Variants in TBC1D19 observed in about 807,000 individuals in gnomAD.
The protein encoded by TBC1D19 is TBC1 domain family member 19, also known as TBC1 domain family, member 19.
TBC1D19 carries 60 observed loss-of-function variants against 89.0 expected under a neutral mutation model. The ratio of observed to expected loss-of-function variants is 0.67; its 90% CI spans 0.55 to 0.84. TBC1D19 has a LOEUF of 0.84. Among genes scored for constraint, TBC1D19 ranks in the 40% least tolerant of loss-of-function variants. The pLI, the probability that TBC1D19 is intolerant of heterozygous loss-of-function variation, is 0.00. For synonymous variants in TBC1D19, 189 were observed against 199.7 expected, an observed-to-expected ratio of 0.95 and a Z score of 0.45; for missense variants, 500 against 610.8, an observed-to-expected ratio of 0.82 and a Z score of 1.91.
At chr4:26,801,668 T>G in the TBC1D19 span, among the ~76,000 whole-genome samples, 1 of 152,164 alleles carries the variant, frequency 6.6e-6, no homozygotes, top group African/African-American at 2.4e-5. Flanking sequence ...TTTGTTTGTA[T>G]CCTCTTTTAT....
chr4:26,774,079 C>G, the TBC1D19 span, among the ~76,000 whole-genome samples: 1 of 152,196 alleles, frequency 6.6e-6, no homozygotes, highest in African/African-American at 2.4e-5. Flanking sequence ...CTCTCACCTC[C>G]TGGTCCCCAG....
chr4:26,646,769 TG>T (rs1403413731), intron 7 of TBC1D19, among the ~76,000 whole-genome samples: 1 of 151,594 alleles, frequency 6.6e-6, no homozygotes, highest in Non-Finnish European at 1.5e-5. Flanking sequence ...GGACACAGGG[TG>T]GGAAACATCA....
the TBC1D19 span, among the ~76,000 whole-genome samples, chr4:26,812,004 T>A: frequency 6.6e-6 from 1 of 152,210 alleles, no homozygotes; most frequent in African/African-American, 2.4e-5. This position sits in a 1 kb window ranked among gnomAD's most constrained non-coding sequence, Gnocchi z 4.2. Context: ...GGTCTCAGCC[T>A]TATTTTACCC....
At chr4:26,799,837 C>G in the TBC1D19 span, among the ~76,000 whole-genome samples, 19 of 152,040 alleles carry the variant, frequency 1.2e-4, no homozygotes, top group Non-Finnish European at 2.2e-4. Context: ...GGAGCCCAAC[C>G]GGAATAAGAT....
chr4:26,700,691 A>AT (rs1715244788), intron 13 of TBC1D19, among the ~76,000 whole-genome samples: 3 of 152,298 alleles, frequency 2.0e-5, no homozygotes, highest in Non-Finnish European at 4.4e-5. Flanking sequence ...TATCTGTTGA[A>AT]AGTTTCATAA....
At chr4:26,740,212 C>T (rs1260467274) in intron 17 of TBC1D19, among the ~76,000 whole-genome samples, 1 of 151,836 alleles carries the variant, frequency 6.6e-6, no homozygotes, top group Non-Finnish European at 1.5e-5. Context: ...TTTTCTTTTA[C>T]ATATTAAAAA....
intron 4 of TBC1D19, among the ~76,000 whole-genome samples, chr4:26,625,156 A>G (rs1324366176): frequency 2.0e-5 from 3 of 151,938 alleles, no homozygotes; most frequent in South Asian, 4.1e-4. Context: ...AGCTTCCTGC[A>G]GTTTCTGGCA....
chr4:26,683,848 C>A (rs1471590609), intron 12 of TBC1D19, 99 bp downstream of exon 12: 2 of 952,382 alleles, frequency 2.1e-6, no homozygotes, highest in African/African-American at 1.7e-5. Flanking sequence ...TATATATTAA[C>A]CTTGAAAAAT....
At chr4:26,590,737 G>A (rs1014997265) in intron 1 of TBC1D19, among the ~76,000 whole-genome samples, 1 of 134,520 alleles carries the variant, frequency 7.4e-6, no homozygotes, top group Non-Finnish European at 1.5e-5. Flanking sequence ...ATATTGATAC[G>A]TTATTATTAA....
At chr4:26,710,155 A>G (rs557838442) in intron 13 of TBC1D19, among the ~76,000 whole-genome samples, 22 of 152,146 alleles carry the variant, frequency 1.4e-4, no homozygotes, top group Admixed American at 5.9e-4. Flanking sequence ...AGCATTAGGT[A>G]TATCTCCTAA....
At chr4:26,765,783 A>G in the TBC1D19 span, among the ~76,000 whole-genome samples, 25 of 151,832 alleles carry the variant, frequency 1.6e-4, no homozygotes, top group Admixed American at 1.5e-3. Context: ...TGACTCACCT[A>G]TTTTTTCTAA....
intron 10 of TBC1D19, among the ~76,000 whole-genome samples, chr4:26,673,022 T>G (rs936326597): frequency 1.3e-5 from 2 of 151,940 alleles, no homozygotes; most frequent in Non-Finnish European, 2.9e-5. Flanking sequence ...TATGTCTTTT[T>G]TTGGTTTTGC....
At chr4:26,596,617 G>GC (rs1553895276) in intron 1 of TBC1D19, among the ~76,000 whole-genome samples, 1 of 136,520 alleles carries the variant, frequency 7.3e-6, no homozygotes, top group East Asian at 2.1e-4. Context: ...CTTTCCTCCT[G>GC]TTTTTTTTTT....
At chr4:26,749,532 C>T (rs1448107163) in intron 19 of TBC1D19, among the ~76,000 whole-genome samples, 1 of 151,302 alleles carries the variant, frequency 6.6e-6, no homozygotes, top group African/African-American at 2.4e-5. Context: ...CTACAACCTC[C>T]ACCTCCTGGG....
At chr4:26,851,311 A>ATCTATCTATCTATCTATCTATCTG in the TBC1D19 span, among the ~76,000 whole-genome samples, 1 of 114,900 alleles carries the variant, frequency 8.7e-6, no homozygotes, top group East Asian at 2.6e-4. Context: ...TACCCTATCT[A>ATCTATCTATCTATCTATCTATCTG]TCTATCTATC....
Position 26,595,958 on chromosome 4 carries a change from T to TA in TBC1D19, c.99+11674dup, listed in dbSNP as rs112990660. Among the ~76,000 whole-genome samples the TA allele has an allele frequency of 3.3e-5, 5 of 152,164 alleles. No individual in the cohort carries two copies. In the East Asian group the frequency reaches 9.7e-4, roughly 29 times the overall value. ...TAATACAGATTTATTTATTTTTAAT[T>TA]AAAAAAAATTTTTTTTGAGAGAGAG... On this transcript the variant is annotated intron_variant, in intron 1 of 20. Coordinates refer to ENST00000264866, the MANE Select transcript of TBC1D19 (RefSeq NM_018317.4).
intron 7 of TBC1D19, among the ~76,000 whole-genome samples, chr4:26,651,894 C>T (rs779625523): frequency 7.9e-5 from 12 of 152,052 alleles, no homozygotes; most frequent in Non-Finnish European, 5.9e-5. Context: ...CCCATCAATA[C>T]GTAATTTATT....
At chr4:26,698,343 C>A (rs1179973507) in intron 13 of TBC1D19, among the ~76,000 whole-genome samples, 1 of 152,184 alleles carries the variant, frequency 6.6e-6, no homozygotes, top group Non-Finnish European at 1.5e-5. Context: ...CTACAAACCA[C>A]TGCTGAACAA....
intron 19 of TBC1D19, among the ~76,000 whole-genome samples, chr4:26,752,434 C>T (rs1471910794): frequency 6.6e-6 from 1 of 151,664 alleles, no homozygotes; most frequent in Admixed American, 6.6e-5. Flanking sequence ...TTGTAGAGAC[C>T]AGGGTCTTGC....
Sources: gnomAD v4.1 joint callset for allele counts (sites outside exome capture counted in the v4.1 genomes callset) on GRCh38, gnomAD v4.1.1 for gene constraint, Gnocchi (gnomAD v3.1) non-coding constraint, MANE v1.5 for transcripts, NCBI Gene and HGNC (gene_info 2026-07-23, HGNC 2026-07-21) for gene names.